COBL: variants seen among roughly 807,000 people sequenced by gnomAD.
COBL encodes the protein protein cordon-bleu.
A neutral mutation model predicts 98.8 loss-of-function variants in COBL; 51 were observed. That is an observed-to-expected ratio of 0.52 (90% CI 0.41 to 0.65). COBL has a LOEUF of 0.65. Ranked by LOEUF, COBL falls within the 30% of genes least tolerant of loss-of-function variation. The pLI is 0.00. For synonymous variants in COBL, 634 were observed against 651.7 expected (o/e 0.97, Z 0.41); for missense variants, 1,617 against 1,617.5 (o/e 1.00, Z 0.01).
At chr7:51,187,789 G>T in intron 4 of COBL, 2 of 720,762 alleles carry the variant, frequency 2.8e-6, no homozygotes, top group Non-Finnish European at 3.8e-6. Flanking sequence ...CTTCAGGAGG[G>T]CCCCAAGCCA....
intron 7 of COBL, among the ~76,000 whole-genome samples, chr7:51,055,557 C>T (rs762505027): frequency 1.2e-4 from 19 of 152,290 alleles, no homozygotes; most frequent in African/African-American, 3.8e-4. Context: ...CGTGTCAGAA[C>T]GCCCTGGAGG....
chr7:51,279,392 C>T (rs1304660101), intron 1 of COBL, among the ~76,000 whole-genome samples: 1 of 152,194 alleles, frequency 6.6e-6, no homozygotes, highest in African/African-American at 2.4e-5. Context: ...AAATAAATCA[C>T]CTGAAATTTT....
At chr7:51,082,896 G>C (rs2128936927) in intron 7 of COBL, among the ~76,000 whole-genome samples, 1 of 152,288 alleles carries the variant, frequency 6.6e-6, no homozygotes, top group East Asian at 1.9e-4. Context: ...TGTTCTCTGT[G>C]AAATCAGACA....
chr7:51,042,959 C>T, intron 8 of COBL, among the ~76,000 whole-genome samples: 1 of 152,218 alleles, frequency 6.6e-6, no homozygotes. Context: ...TCTTTCCTGT[C>T]ACTTTCCTCT....
intron 7 of COBL, among the ~76,000 whole-genome samples, chr7:51,070,392 AACACAC>A (rs369051694): frequency 6.5e-5 from 9 of 138,930 alleles, no homozygotes; most frequent in African/African-American, 2.4e-4. Context: ...AAACAGTTAA[AACACAC>A]ACACACACAC....
At position 51,028,143 on chromosome 7, in the gene COBL, C is replaced by T. The variant is rs775912295; in HGVS notation, c.2953G>A (p.Asp985Asn). The change falls in exon 10 of 13, where the codon GAT becomes AAT. Residue 985 changes from aspartate (D) to asparagine (N), a missense_variant. By Grantham distance (23) the Asp-to-Asn change is conservative. Transcript: ENST00000265136. ...CFSLVQSSQR[D>N]RVSVGQSCGF... Reference sequence around the variant, plus strand: ...CAGCTCTGTCCCACAGAAACACGATCCCTCTGGGAAGACTGAACCAGTGAG... The same window carrying T: ...CAGCTCTGTCCCACAGAAACACGATTCCTCTGGGAAGACTGAACCAGTGAG... 3 of 1,614,242 alleles carry T rather than the reference C, an allele frequency of 1.9e-6. No homozygotes were observed. The highest frequency in any genetic ancestry group is 2.5e-6 in the Non-Finnish European group (3 of 1,180,042).
chr7:51,196,248 G>A lies in COBL; in HGVS notation c.246-2659C>T, dbSNP rs191518154. ...ATCAAAAGCCTCTTCTGCATCTTTTGAAATAATCATGTGGTGTTTGTCTTT... is the reference window on the plus strand; with the variant it reads ...ATCAAAAGCCTCTTCTGCATCTTTTAAAATAATCATGTGGTGTTTGTCTTT... On this transcript the variant is annotated intron_variant, in intron 2 of 12. Transcript: ENST00000265136. 4.6e-3 allele frequency among the ~76,000 whole-genome samples: 700 copies of A among 152,224 alleles called. 2 individuals are homozygous for A. The highest frequency in any genetic ancestry group is 8.3e-3 in the Non-Finnish European group (565 of 68,004).
intron 10 of COBL, 27 bp downstream of exon 10, chr7:51,027,685 G>A: frequency 6.4e-7 from 1 of 1,574,732 alleles, no homozygotes; most frequent in South Asian, 1.2e-5. Context: ...GGTGTGGAAG[G>A]CCTGCCCCGG....
chr7:51,223,403 A>G (rs1445601590), intron 1 of COBL, among the ~76,000 whole-genome samples: 1 of 152,222 alleles, frequency 6.6e-6, no homozygotes, highest in Admixed American at 6.5e-5. Flanking sequence ...TCACAGTAAA[A>G]AACGGCTGTG....
At chr7:51,299,206 G>A (rs1191105940) in intron 1 of COBL, among the ~76,000 whole-genome samples, 1 of 152,104 alleles carries the variant, frequency 6.6e-6, no homozygotes, top group Non-Finnish European at 1.5e-5. Flanking sequence ...CTCCAGGGCT[G>A]GACATCCTTA....
At chr7:51,192,272 C>T (rs879485173) in intron 3 of COBL, among the ~76,000 whole-genome samples, 13 of 152,180 alleles carry the variant, frequency 8.5e-5, no homozygotes, top group African/African-American at 2.9e-4. Flanking sequence ...AGTAACATTG[C>T]TTTTAATTTT....
intron 6 of COBL, among the ~76,000 whole-genome samples, chr7:51,119,660 G>A (rs1023407518): frequency 2.0e-5 from 3 of 152,106 alleles, no homozygotes; most frequent in African/African-American, 7.2e-5. Flanking sequence ...AAGCCTGTGT[G>A]GTCCTCCACA....
chr7:51,048,331 T>C (rs1425150093), intron 7 of COBL, among the ~76,000 whole-genome samples: 4 of 152,206 alleles, frequency 2.6e-5, no homozygotes, highest in Admixed American at 2.6e-4. Flanking sequence ...TAAATACTAA[T>C]ATTTTACAAT....
chr7:51,162,196 G>T (rs1056429583), intron 5 of COBL, among the ~76,000 whole-genome samples: 13 of 152,154 alleles, frequency 8.5e-5, no homozygotes, highest in Non-Finnish European at 1.5e-4. Flanking sequence ...TACACAGGCT[G>T]AGTTTGAGGA....
intron 2 of COBL, among the ~76,000 whole-genome samples, chr7:51,196,215 T>C (rs1028056852): frequency 2.0e-5 from 3 of 152,242 alleles, no homozygotes; most frequent in Non-Finnish European, 4.4e-5. Context: ...GAAGGGATGT[T>C]GAATTTTATC....
chr7:51,033,260 A>T lies in COBL; in HGVS notation c.1407-2351T>A, dbSNP rs10279852. The T allele has an allele frequency of 5.2e-3, 793 of 152,294 alleles. 3 individuals carry two copies. The highest frequency in any genetic ancestry group is 0.018 in the African/African-American group (737 of 41,556). The allele number at this position is 152,294 out of a possible 1,614,324, so 9.4% of individuals were successfully genotyped here. A position where few individuals can be genotyped will look rare whatever the true frequency, so the allele number is the denominator to read the frequency against. Reference sequence around the variant, plus strand: ...ATCAAAAAACACACAAACAAAAATCACGTTATCTTTGTAAGAACTTTGGCC... The same window carrying T: ...ATCAAAAAACACACAAACAAAAATCTCGTTATCTTTGTAAGAACTTTGGCC... On this transcript the variant is annotated intron_variant, in intron 8 of 12. Transcript: ENST00000265136.
At chr7:51,098,942 G>A (rs967707728) in intron 6 of COBL, among the ~76,000 whole-genome samples, 2 of 152,040 alleles carry the variant, frequency 1.3e-5, no homozygotes, top group Non-Finnish European at 2.9e-5. Context: ...TTACAAAGAG[G>A]CAAAGAATTT....
intron 1 of COBL, among the ~76,000 whole-genome samples, chr7:51,252,118 T>C (rs1174489391): frequency 6.6e-6 from 1 of 152,162 alleles, no homozygotes; most frequent in East Asian, 1.9e-4. Flanking sequence ...GTGCACTGCA[T>C]TTCATTATTA....
chr7:51,316,297 T>C, intron 1 of COBL: 1 of 265,174 alleles, frequency 3.8e-6, no homozygotes, highest in Middle Eastern at 1.1e-3. Context: ...GGGGCTGTGC[T>C]GGCGGGGACC....
Sources: gnomAD v4.1 joint callset for allele counts (sites outside exome capture counted in the v4.1 genomes callset) on GRCh38, gnomAD v4.1.1 for gene constraint, MANE v1.5 for transcripts, NCBI Gene and HGNC (gene_info 2026-07-23, HGNC 2026-07-21) for gene names.